The following UGT1A8 variants were observed in gnomAD, a reference collection of about 807,000 sequenced individuals.
UGT1A8 encodes UDP-glucuronosyltransferase 1A8.
A neutral mutation model predicts 45.3 loss-of-function variants in UGT1A8; 39 were observed. That is an observed-to-expected ratio of 0.86 (90% confidence interval 0.67 to 1.12). UGT1A8 has a LOEUF of 1.12. Ranked by LOEUF, UGT1A8 falls within the 50% of genes most tolerant of loss-of-function variation. The probability of loss-of-function intolerance (pLI) is 0.00; values close to 1 mark genes in which losing one functional copy is unlikely to be tolerated. For synonymous variants in UGT1A8, 275 were observed against 249.2 expected, an observed-to-expected ratio of 1.10 and a Z score of -0.97; for missense variants, 719 against 664.9, an observed-to-expected ratio of 1.08 and a Z score of -0.90.
At chr2:233,655,020 T>TGGAG (rs2073825310) in intron 1 of UGT1A8, among the ~76,000 whole-genome samples, 1 of 151,894 alleles carries the variant, frequency 6.6e-6, no homozygotes, top group South Asian at 2.1e-4. Flanking sequence ...ACCTGGAAGA[T>TGGAG]GGAGGTTGCA....
At chr2:233,720,704 CTT>C (rs796417980) in intron 1 of UGT1A8, among the ~76,000 whole-genome samples, 9 of 139,144 alleles carry the variant, frequency 6.5e-5, no homozygotes, top group Non-Finnish European at 6.3e-5. Context: ...GGGAGCCATC[CTT>C]TTTTTTTTTT....
chr2:233,745,596 G>T (rs1207233970), intron 1 of UGT1A8, among the ~76,000 whole-genome samples: 1 of 151,570 alleles, frequency 6.6e-6, no homozygotes, highest in Non-Finnish European at 1.5e-5. Context: ...ACCCGGACTT[G>T]GCACTTGGTA....
intron 1 of UGT1A8, among the ~76,000 whole-genome samples, chr2:233,757,535 A>AATATATATAC (rs376887521): frequency 4.5e-5 from 4 of 88,310 alleles, no homozygotes; most frequent in South Asian, 5.2e-4. Context: ...GCCTGTAAGG[A>AATATATATAC]ATATATATAT....
At position 233,661,632 on chromosome 2, in the gene UGT1A8, T is replaced by C. The variant is rs73996161; in HGVS notation, c.855+43070T>C. ...GTGAAGACTTACTGAATTTTCTTTC[T>C]TTCTTTCTTTCTTTCTTTCTTTCTT... On this transcript the variant is annotated intron_variant, in intron 1 of 4. Transcript: ENST00000373450. Among the ~76,000 whole-genome samples the C allele has an allele frequency of 1.1e-4, 13 of 121,304 alleles. 1 individual carries two copies. Among genetic ancestry groups the C allele is most frequent in the African/African-American group, 3.7e-4 (13 of 35,236 alleles). The allele number at this position is 121,304 out of a possible 152,430, so 79.6% of individuals were successfully genotyped here.
chr2:233,693,904 C>T (rs749571075), intron 1 of UGT1A8: 22 of 1,613,158 alleles, frequency 1.4e-5, no homozygotes, highest in Admixed American at 6.7e-5. Context: ...CTTGTTTCTT[C>T]CAGGCTCTGT....
At position 233,682,247 on chromosome 2, in the gene UGT1A8, A is replaced by G. The variant is rs758971346; in HGVS notation, c.855+63685A>G. 7.4e-6 allele frequency: 12 copies of G among 1,614,096 alleles called. No individual in the cohort carries two copies. The African/African-American group carries it at 1.5e-4, about 20-fold the overall frequency. Reference sequence around the variant, plus strand: ...TGCTCGCTGGACGGCACCATTGCGAAGTGCATTTTCTCTATTAACAAGTTC... The same window carrying G: ...TGCTCGCTGGACGGCACCATTGCGAGGTGCATTTTCTCTATTAACAAGTTC... On this transcript the variant is annotated intron_variant, in intron 1 of 4. Coordinates refer to ENST00000373450, the MANE Select transcript of UGT1A8 (RefSeq NM_019076.5).
At position 233,631,565 on chromosome 2, in the gene UGT1A8, G is replaced by A. The variant is rs2125454844; in HGVS notation, c.855+13003G>A. ...TGAGATGGTATCTCATTGTGGTTTTGATTTGCATTTCTCTAATGACCAGTG... is the reference window on the plus strand; with the variant it reads ...TGAGATGGTATCTCATTGTGGTTTTAATTTGCATTTCTCTAATGACCAGTG... On this transcript the variant is annotated intron_variant, in intron 1 of 4. Transcript: ENST00000373450. Among the ~76,000 whole-genome samples, 3 of 152,278 alleles carry A rather than the reference G, an allele frequency of 2.0e-5. 1 individual carries two copies. The highest frequency in any genetic ancestry group is 6.8e-3 in the Middle Eastern group (2 of 294).
chr2:233,636,615 G>T (rs144511743), intron 1 of UGT1A8: 47 of 1,614,044 alleles, frequency 2.9e-5, no homozygotes, highest in Non-Finnish European at 3.9e-5. Context: ...TGCTGGTAGT[G>T]CCCATGGATG....
At chr2:233,747,842 G>C in intron 1 of UGT1A8, 1 of 1,613,390 alleles carries the variant, frequency 6.2e-7, no homozygotes, top group Non-Finnish European at 8.5e-7. Context: ...TCCTGCAAAG[G>C]GTCAAGAACA....
chr2:233,636,501 T>A (rs371096868), intron 1 of UGT1A8: 2 of 1,600,550 alleles, frequency 1.2e-6, no homozygotes, highest in Admixed American at 3.4e-5. Context: ...TCCCAGCTGC[T>A]GGCTCGGGCT....
chr2:233,724,360 G>A (rs1455285943), intron 1 of UGT1A8, among the ~76,000 whole-genome samples: 4 of 146,466 alleles, frequency 2.7e-5, no homozygotes, highest in South Asian at 2.3e-4. Flanking sequence ...CCTCCCTCCC[G>A]GACGGGGTGG....
chr2:233,713,467 C>G, intron 1 of UGT1A8: 1 of 1,614,058 alleles, frequency 6.2e-7, no homozygotes, highest in Non-Finnish European at 8.5e-7. Flanking sequence ...CTCTGCGCGG[C>G]GGTGCTGGCT....
intron 1 of UGT1A8, among the ~76,000 whole-genome samples, chr2:233,698,597 G>T (rs966031058): frequency 6.6e-6 from 1 of 152,070 alleles, no homozygotes; most frequent in East Asian, 1.9e-4. Flanking sequence ...CAAGAAATTC[G>T]GATTAATAAA....
chr2:233,734,392 G>A (rs570744266), intron 1 of UGT1A8, among the ~76,000 whole-genome samples: 1 of 151,992 alleles, frequency 6.6e-6, no homozygotes, highest in Non-Finnish European at 1.5e-5. Context: ...ATTTTTTATT[G>A]CGTCTATTTG....
At chr2:233,654,568 C>T (rs563206559) in intron 1 of UGT1A8, among the ~76,000 whole-genome samples, 1 of 152,212 alleles carries the variant, frequency 6.6e-6, no homozygotes, top group East Asian at 1.9e-4. Context: ...TAATATATAA[C>T]AAAAATGAAA....
At chr2:233,713,913 A>T in intron 1 of UGT1A8, 1 of 1,612,556 alleles carries the variant, frequency 6.2e-7, no homozygotes, top group Non-Finnish European at 8.5e-7. Context: ...CTTTTTAAAA[A>T]ATGTATTTAC....
At chr2:233,727,806 G>A (rs543849298) in intron 1 of UGT1A8, among the ~76,000 whole-genome samples, 1 of 152,288 alleles carries the variant, frequency 6.6e-6, no homozygotes, top group East Asian at 1.9e-4. Flanking sequence ...TGTCCCATGG[G>A]TTCTGTCCAA....
In UGT1A8 at chr2:233,700,548, G is replaced by T. The variant is rs535853869; in HGVS notation, c.856-66486G>T. Among the ~76,000 whole-genome samples the T allele has an allele frequency of 2.0e-5, 3 of 151,944 alleles. No homozygotes were observed. The East Asian group carries it at 5.8e-4, about 29-fold the overall frequency. Reference sequence around the variant, plus strand: ...ATAACTCTAGGAGAATGAGAATAAGGGGTTATAAAAATATAACTTTATTAT... The same window carrying T: ...ATAACTCTAGGAGAATGAGAATAAGTGGTTATAAAAATATAACTTTATTAT... On this transcript the variant is annotated intron_variant, in intron 1 of 4. Coordinates refer to ENST00000373450, the MANE Select transcript of UGT1A8 (RefSeq NM_019076.5).
At chr2:233,743,013 C>T (rs1054809) in intron 1 of UGT1A8, 1 of 235,812 alleles carries the variant, frequency 4.2e-6, no homozygotes, top group Non-Finnish European at 8.4e-6. Context: ...TATTTTACAA[C>T]GATTGAAAGA....
Sources: allele counts gnomAD v4.1 joint callset (sites outside exome capture counted in the v4.1 genomes callset), GRCh38; gene constraint gnomAD v4.1.1; transcripts MANE v1.5; gene names NCBI Gene and HGNC (gene_info 2026-07-23, HGNC 2026-07-21).